The following IL1RAPL2 variants were observed in gnomAD, a reference collection of about 807,000 sequenced individuals.
The protein encoded by IL1RAPL2 is X-linked interleukin-1 receptor accessory protein-like 2.
Under a neutral mutation model 44.1 loss-of-function variants are expected in IL1RAPL2, and 3 were observed. The ratio of observed to expected loss-of-function variants is 0.07; its 90% CI spans 0.03 to 0.18. The LOEUF (loss-of-function observed/expected upper bound fraction) is 0.18. Ranked by LOEUF, IL1RAPL2 falls within the 10% of genes least tolerant of loss-of-function variation. IL1RAPL2 has a pLI of 1.00. For missense variants in IL1RAPL2, 391 were observed against 496.4 expected (o/e 0.79, Z 2.02); for synonymous variants, 181 against 178.8 (o/e 1.01, Z -0.10).
intron 6 of IL1RAPL2, among the ~76,000 whole-genome samples, chrX:105,550,463 T>A (rs1158081120): frequency 8.9e-6 from 1 of 112,010 alleles, no homozygotes; most frequent in Non-Finnish European, 1.9e-5. Context: ...ATGAAATAAA[T>A]CTTTCTGTCC....
chrX:105,520,927 T>TTTC (rs1569450170), intron 6 of IL1RAPL2, among the ~76,000 whole-genome samples: 4 of 54,323 alleles, frequency 7.4e-5, no homozygotes, highest in African/African-American at 6.6e-4. Context: ...TTCTTTCTTT[T>TTTC]TTTTTTTTTT....
At chrX:105,283,757 A>G (rs112686282) in intron 5 of IL1RAPL2, among the ~76,000 whole-genome samples, 11,676 of 110,421 alleles carry the variant, frequency 0.11, 1,560 homozygotes, top group African/African-American at 0.36. Context: ...GAAAAGTTTG[A>G]ACTAGATATA....
intron 1 of IL1RAPL2, among the ~76,000 whole-genome samples, chrX:104,633,627 A>G (rs1175225660): frequency 5.6e-4 from 63 of 111,829 alleles, no homozygotes; most frequent in Non-Finnish European, 1.0e-3. Flanking sequence ...GTTTATTTGC[A>G]TAGAGGTGTT....
At chrX:105,707,409 G>A (rs1205288861) in intron 6 of IL1RAPL2, among the ~76,000 whole-genome samples, 3 of 112,199 alleles carry the variant, frequency 2.7e-5, no homozygotes, top group African/African-American at 9.7e-5. Flanking sequence ...ATTGAACTAA[G>A]CGTTTGAGAA....
At chrX:105,573,120 G>C (rs914856992) in intron 6 of IL1RAPL2, among the ~76,000 whole-genome samples, 1 of 111,253 alleles carries the variant, frequency 9.0e-6, no homozygotes. Flanking sequence ...GTGCAATGGT[G>C]TGATCACGGC....
intron 2 of IL1RAPL2, among the ~76,000 whole-genome samples, chrX:104,675,283 A>C (rs1209893860): frequency 1.8e-5 from 2 of 111,169 alleles, no homozygotes; most frequent in Non-Finnish European, 3.8e-5. Flanking sequence ...CGTCCCAGAG[A>C]TTCTGGTATG....
At chrX:104,685,630 G>T in intron 2 of IL1RAPL2, among the ~76,000 whole-genome samples, 1 of 111,352 alleles carries the variant, frequency 9.0e-6, no homozygotes, top group Non-Finnish European at 1.9e-5. Context: ...TGGGGTGGGG[G>T]AAGGGGGAAG....
rs758913932 is a variant in IL1RAPL2 at position 104,709,893 on chromosome X, G to C, written c.82+50898G>C. On this transcript the variant is annotated intron_variant, in intron 2 of 10. Coordinates refer to ENST00000372582, the MANE Select transcript of IL1RAPL2 (RefSeq NM_017416.2). ...ATTGCAAACAATCCTGTAAAAAGAT[G>C]CTCAACATCATTAATCATGGAAATG... Among the ~76,000 whole-genome samples, 5 of 110,400 alleles carry C rather than the reference G, an allele frequency of 4.5e-5. No individual in the cohort carries two copies. The South Asian group carries it at 1.9e-3, about 42-fold the overall frequency.
intron 2 of IL1RAPL2, among the ~76,000 whole-genome samples, chrX:104,730,112 A>T (rs1324007674): frequency 1.8e-5 from 2 of 111,506 alleles, no homozygotes; most frequent in African/African-American, 6.5e-5. Flanking sequence ...ATATATTTTA[A>T]ACAAGTTAGT....
rs143396951 is a variant in IL1RAPL2, at chrX:105,369,331, G to T, written c.697+101790G>T. Among the ~76,000 whole-genome samples, 371 of 111,155 alleles carry T rather than the reference G, an allele frequency of 3.3e-3. 1 individual carries two copies. Among genetic ancestry groups the T allele is most frequent in the Non-Finnish European group, 4.1e-3 (218 of 53,090 alleles). On this transcript the variant is annotated intron_variant, in intron 5 of 10. Transcript: ENST00000372582. ...TTTCTCACCAATCAGCCCACCCAGA[G>T]ATTCTTAGTGCCTCTAAATTCCTTG...
chrX:105,577,485 T>C (rs1243372045), intron 6 of IL1RAPL2, among the ~76,000 whole-genome samples: 1 of 111,036 alleles, frequency 9.0e-6, no homozygotes, highest in Non-Finnish European at 1.9e-5. Flanking sequence ...AAAGAGAATC[T>C]ATCTCTTTGG....
intron 6 of IL1RAPL2, among the ~76,000 whole-genome samples, chrX:105,523,488 TTAAA>T (rs200351581): frequency 0.034 from 3,847 of 111,814 alleles, 172 homozygotes; most frequent in African/African-American, 0.12. Flanking sequence ...ACATCTGTGT[TTAAA>T]TAATAATAAA....
intron 6 of IL1RAPL2, among the ~76,000 whole-genome samples, chrX:105,522,185 T>G (rs1163030031): frequency 8.9e-6 from 1 of 112,157 alleles, no homozygotes; most frequent in Non-Finnish European, 1.9e-5. Context: ...ATCAAACTTT[T>G]ACCCTTTGGA....
chrX:104,691,211 A>G (rs1415333612), intron 2 of IL1RAPL2, among the ~76,000 whole-genome samples: 1 of 112,144 alleles, frequency 8.9e-6, no homozygotes, highest in African/African-American at 3.2e-5. Flanking sequence ...CACATTGCTT[A>G]AAGCAGATGC....
At chrX:104,823,113 T>A (rs986480561) in intron 2 of IL1RAPL2, among the ~76,000 whole-genome samples, 1 of 111,134 alleles carries the variant, frequency 9.0e-6, no homozygotes, top group African/African-American at 3.3e-5. Flanking sequence ...ATTTTTTTTT[T>A]ATTATACTTT....
chrX:105,434,906 G>T, intron 5 of IL1RAPL2, among the ~76,000 whole-genome samples: 1 of 111,639 alleles, frequency 9.0e-6, no homozygotes, highest in East Asian at 2.8e-4. Flanking sequence ...TAAGGAAGGG[G>T]TCCAGTTTCA....
chrX:104,942,315 A>G (rs188367943), intron 2 of IL1RAPL2, among the ~76,000 whole-genome samples: 95 of 111,956 alleles, frequency 8.5e-4, no homozygotes, highest in Admixed American at 3.2e-3. Flanking sequence ...CACAATATTG[A>G]TTCTTCCTAT....
At chrX:104,920,235 C>G (rs1924592999) in intron 2 of IL1RAPL2, among the ~76,000 whole-genome samples, 2 of 111,546 alleles carry the variant, frequency 1.8e-5, no homozygotes, top group South Asian at 7.6e-4. Flanking sequence ...ATCATACTTT[C>G]CTATTAACAC....
chrX:104,639,642 G>C lies in IL1RAPL2; in HGVS notation c.-19-19253G>C, dbSNP rs1036900034. On this transcript the variant is annotated intron_variant, in intron 1 of 10. Coordinates refer to ENST00000372582, the MANE Select transcript of IL1RAPL2 (RefSeq NM_017416.2). ...TTCATGTGTCTTCATGATGGTAAAAGTCCTTTTGTTCCCGGGTTTAGGACT... is the reference window on the plus strand; with the variant it reads ...TTCATGTGTCTTCATGATGGTAAAACTCCTTTTGTTCCCGGGTTTAGGACT... Among the ~76,000 whole-genome samples the C allele has an allele frequency of 6.3e-5, 7 of 111,320 alleles. No homozygotes were observed. The South Asian group carries it at 1.5e-3, about 24-fold the overall frequency.
Sources: gnomAD v4.1 joint callset for allele counts (sites outside exome capture counted in the v4.1 genomes callset) on GRCh38, gnomAD v4.1.1 for gene constraint, MANE v1.5 for transcripts, NCBI Gene and HGNC (gene_info 2026-07-23, HGNC 2026-07-21) for gene names.